Variants in TTC7A observed in about 807,000 individuals in gnomAD.
The protein encoded by TTC7A is tetratricopeptide repeat protein 7A.
A neutral mutation model predicts 103.7 loss-of-function variants in TTC7A; 110 were observed. The ratio of observed to expected loss-of-function variants is 1.06; its 90% CI spans 0.91 to 1.24. The LOEUF is 1.24. Among genes scored for constraint, TTC7A ranks in the 50% most tolerant of loss-of-function variants. The pLI, the probability that TTC7A is intolerant of heterozygous loss-of-function variation, is 0.00. For missense variants in TTC7A, 1,340 were observed against 1,116.3 expected (o/e 1.20, Z -2.86); for synonymous variants, 521 against 467.9 (o/e 1.11, Z -1.47).
intron 11 of TTC7A, among the ~76,000 whole-genome samples, chr2:47,013,080 G>A (rs373379674): frequency 6.6e-6 from 1 of 152,156 alleles, no homozygotes; most frequent in African/African-American, 2.4e-5. Context: ...TCTGTAAAAT[G>A]GAAACAGTAA....
At position 47,021,935 on chromosome 2, in the gene TTC7A, G is replaced by A; in HGVS notation, c.1466G>A (p.Gly489Asp). Residue 489 changes from glycine to aspartate, a missense_variant, in exon 12 of 20, where the codon GGC becomes GAC. Physicochemically the swap from Gly to Asp is moderately conservative, Grantham distance 94. Transcript: ENST00000319190. ...GEEAGEFLPK[G>D]YLALGLTYSL... Reference sequence around the variant, plus strand: ...GAAGCCGGGGAGTTCCTCCCCAAGGGCTACCTGGCTCTGGGTCTCACCTAT... The same window carrying A: ...GAAGCCGGGGAGTTCCTCCCCAAGGACTACCTGGCTCTGGGTCTCACCTAT... 6.2e-7 allele frequency: 1 copy of A among 1,614,096 alleles called. No individual in the cohort carries two copies. The highest frequency in any genetic ancestry group is 1.1e-5 in the South Asian group (1 of 91,084).
At position 46,961,375 on chromosome 2, in the gene TTC7A, G is replaced by A. The variant is rs574867999; in HGVS notation, c.517+4368G>A. On this transcript the variant is annotated intron_variant, in intron 3 of 19. Transcript: ENST00000319190. ...GCAGATCACGAGGTCAGGAGATCAAGACCATCCTGGCTAATGCAGGTGAAA... is the reference window on the plus strand; with the variant it reads ...GCAGATCACGAGGTCAGGAGATCAAAACCATCCTGGCTAATGCAGGTGAAA... Among the ~76,000 whole-genome samples the A allele has an allele frequency of 7.2e-5, 11 of 152,184 alleles. No homozygotes were observed. The South Asian group carries it at 2.3e-3, about 32-fold the overall frequency.
intron 2 of TTC7A, among the ~76,000 whole-genome samples, chr2:46,928,063 T>C (rs1669490287): frequency 6.6e-6 from 1 of 151,710 alleles, no homozygotes; most frequent in Non-Finnish European, 1.5e-5. Context: ...AGCTAGTTTT[T>C]GCATTTTTTG....
intron 3 of TTC7A, among the ~76,000 whole-genome samples, chr2:46,966,814 A>C (rs1672897442): frequency 6.6e-6 from 1 of 150,656 alleles, no homozygotes. Flanking sequence ...TTTCGAAGAT[A>C]AATTCCTAGA....
intron 3 of TTC7A, chr2:46,974,734 G>A (rs1280490221): frequency 1.7e-6 from 1 of 601,146 alleles, no homozygotes; most frequent in Non-Finnish European, 3.1e-6. Context: ...GGCTTCCCCG[G>A]GTAGTTGGGC....
chr2:46,924,044 AT>A, intron 2 of TTC7A, among the ~76,000 whole-genome samples: 1 of 151,856 alleles, frequency 6.6e-6, no homozygotes, highest in South Asian at 2.1e-4. Context: ...CCTATAGAAA[AT>A]TTTTTAAAAA....
At chr2:47,073,634 G>GGT in intron 19 of TTC7A, 68 bp from the exon 20 acceptor site, 1 of 1,409,224 alleles carries the variant, frequency 7.1e-7, no homozygotes, top group Non-Finnish European at 1.0e-6. Context: ...ACCTGTGCTT[G>GGT]GCCCAGTTGC....
chr2:46,950,558 C>G, intron 2 of TTC7A, 32 bp downstream of exon 2: 1 of 1,609,622 alleles, frequency 6.2e-7, no homozygotes, highest in South Asian at 1.1e-5. Flanking sequence ...CTGAGACCTC[C>G]TCTCCTCGTC....
intron 3 of TTC7A, among the ~76,000 whole-genome samples, chr2:46,971,938 GAA>G (rs1257764772): frequency 2.1e-5 from 3 of 141,958 alleles, no homozygotes; most frequent in Non-Finnish European, 4.6e-5. Context: ...AAAAAAGAAA[GAA>G]AGACAGGAAG....
Position 47,014,770 on chromosome 2 carries a change from T to C in TTC7A, c.1392+3335T>C, listed in dbSNP as rs562342407. On this transcript the variant is annotated intron_variant, in intron 11 of 19. Coordinates refer to ENST00000319190, the MANE Select transcript of TTC7A (RefSeq NM_020458.4). ...GACAGAAATCTGGGGGTGGTCAATT[T>C]GGCCTGGGTTGCAGAAAGGGAGGCT... Among the ~76,000 whole-genome samples, 16 of 152,334 alleles carry C rather than the reference T, an allele frequency of 1.1e-4. No individual in the cohort carries two copies. The South Asian group carries it at 2.5e-3, about 24-fold the overall frequency.
intron 19 of TTC7A, chr2:47,068,179 C>T (rs1309522028): frequency 6.6e-6 from 1 of 152,200 alleles, no homozygotes; most frequent in African/African-American, 2.4e-5. Context: ...TGTTTTCTGA[C>T]TTGAAGGAGG....
At chr2:46,987,566 G>A (rs894971247) in intron 5 of TTC7A, among the ~76,000 whole-genome samples, 1 of 152,150 alleles carries the variant, frequency 6.6e-6, no homozygotes, top group Non-Finnish European at 1.5e-5. Flanking sequence ...CCTTCCTTCC[G>A]CCTAGACCTG....
At chr2:47,023,707 CAG>C (rs1170692010) in intron 13 of TTC7A, among the ~76,000 whole-genome samples, 1 of 152,110 alleles carries the variant, frequency 6.6e-6, no homozygotes, top group African/African-American at 2.4e-5. Context: ...TCCCAGGGCT[CAG>C]GGGTCTAAAA....
At chr2:46,942,240 C>T (rs1458639103) in intron 1 of TTC7A, among the ~76,000 whole-genome samples, 1 of 151,868 alleles carries the variant, frequency 6.6e-6, no homozygotes, top group Non-Finnish European at 1.5e-5. Context: ...TCATCTGTGG[C>T]GATCTCGGGA....
At chr2:47,042,122 G>C (rs1239348694) in intron 15 of TTC7A, among the ~76,000 whole-genome samples, 1 of 152,148 alleles carries the variant, frequency 6.6e-6, no homozygotes, top group Non-Finnish European at 1.5e-5. Flanking sequence ...TTGTTATGCA[G>C]ATAAAAATCT....
At chr2:47,060,266 A>C (rs1450172069) in intron 18 of TTC7A, among the ~76,000 whole-genome samples, 2 of 152,146 alleles carry the variant, frequency 1.3e-5, no homozygotes, top group Non-Finnish European at 2.9e-5. Flanking sequence ...GCTACTCAGG[A>C]GGCTGAGACA....
intron 15 of TTC7A, among the ~76,000 whole-genome samples, chr2:47,039,595 T>G (rs909997841): frequency 6.6e-6 from 1 of 152,278 alleles, no homozygotes; most frequent in Admixed American, 6.5e-5. Flanking sequence ...TACTCATTTC[T>G]GAGGAGTCTC....
At chr2:47,046,544 A>G in intron 16 of TTC7A, 113 bp downstream of exon 16, 1 of 794,548 alleles carries the variant, frequency 1.3e-6, no homozygotes, top group Non-Finnish European at 2.1e-6. Flanking sequence ...AGGCTTTTGA[A>G]TGAGAGCGTG....
At chr2:46,920,199 C>T (rs928991961) in intron 2 of TTC7A, among the ~76,000 whole-genome samples, 8 of 152,292 alleles carry the variant, frequency 5.3e-5, no homozygotes, top group East Asian at 1.9e-4. Flanking sequence ...TACATTAATA[C>T]ATAATGTATG....
Sources: allele counts gnomAD v4.1 joint callset (sites outside exome capture counted in the v4.1 genomes callset), GRCh38; gene constraint gnomAD v4.1.1; transcripts MANE v1.5; gene names NCBI Gene and HGNC (gene_info 2026-07-23, HGNC 2026-07-21).